The following ZBTB4 variants were observed in gnomAD, a reference collection of about 807,000 sequenced individuals.
The protein encoded by ZBTB4 is zinc finger and BTB domain containing 4, also known as zinc finger and BTB domain-containing protein 4.
ZBTB4 carries 14 observed loss-of-function variants against 59.8 expected under a neutral mutation model. The observed-to-expected ratio is 0.23, with a 90% CI of 0.15 to 0.37. The LOEUF is 0.37. Among genes scored for constraint, ZBTB4 ranks in the 10% least tolerant of loss-of-function variants. The pLI is 1.00. For missense variants in ZBTB4, 1,198 were observed against 1,380.8 expected (o/e 0.87, Z 2.10); for synonymous variants, 587 against 575.2 (o/e 1.02, Z -0.29).
intron 1 of ZBTB4, among the ~76,000 whole-genome samples, chr17:7,469,107 T>C (rs1336343829): frequency 6.6e-6 from 1 of 152,096 alleles, no homozygotes; most frequent in African/African-American, 2.4e-5. Flanking sequence ...TTTATTTGGA[T>C]TACCTCATTT....
rs751063653 is a variant in ZBTB4 at position 7,463,224 on chromosome 17, T to C, written c.1758A>G (p.Thr586=). Reference sequence around the variant, plus strand: ...GCTGAGAGGGGCCCCGGCCAGCCCCTGTGGGGGGACCCCCACCTCCACCAA... The same window carrying C: ...GCTGAGAGGGGCCCCGGCCAGCCCCCGTGGGGGGACCCCCACCTCCACCAA... ...GGIGGGGGPP[T]GAGRGPSQLQ... is the part of the protein sequence containing the mutation. The change falls in exon 4 of 4, where the codon ACA becomes ACG. Residue 586 remains threonine, a synonymous_variant. Transcript: ENST00000380599. 9.3e-6 allele frequency: 15 copies of C among 1,610,456 alleles called. No individual in the cohort carries two copies. The East Asian group carries it at 2.2e-4, about 24-fold the overall frequency.
chr17:7,481,970 C>T (rs1191503065), upstream of ZBTB4: 1 of 1,570,526 alleles, frequency 6.4e-7, no homozygotes, highest in Non-Finnish European at 8.6e-7. Flanking sequence ...CTACCCTGAG[C>T]TCCTTTCTCC....
At chr17:7,475,249 G>A (rs2070254128) in intron 1 of ZBTB4, among the ~76,000 whole-genome samples, 1 of 151,796 alleles carries the variant, frequency 6.6e-6, no homozygotes, top group Non-Finnish European at 1.5e-5. Context: ...GCTGAGGCAG[G>A]AGAATCACCT....
chr17:7,467,163 A>C (rs926082409), intron 2 of ZBTB4, 94 bp downstream of exon 2: 58 of 1,079,968 alleles, frequency 5.4e-5, no homozygotes, highest in Non-Finnish European at 6.4e-5. Context: ...GCCATTTCAC[A>C]GAACTCCCCA....
chr17:7,474,782 C>G (rs773312908), intron 1 of ZBTB4, among the ~76,000 whole-genome samples: 1 of 151,758 alleles, frequency 6.6e-6, no homozygotes, highest in African/African-American at 2.4e-5. Flanking sequence ...GAGGCTGAGG[C>G]GGGCAGATCA....
chr17:7,465,520 T>C (rs1255163384), intron 3 of ZBTB4, among the ~76,000 whole-genome samples, 191 bp downstream of exon 3: 1 of 151,640 alleles, frequency 6.6e-6, no homozygotes, highest in Non-Finnish European at 1.5e-5. Flanking sequence ...CTCTATGTTG[T>C]CCAGGCTCGT....
At chr17:7,482,286 G>A (rs751688186), upstream of ZBTB4, 37 of 1,614,012 alleles carry the variant, frequency 2.3e-5, no homozygotes, top group African/African-American at 3.7e-4. Flanking sequence ...CCTGACATCC[G>A]AGGCCGGGCC....
upstream of ZBTB4, among the ~76,000 whole-genome samples, chr17:7,481,678 G>A (rs189296593): frequency 1.5e-3 from 222 of 152,290 alleles, 1 homozygote; most frequent in Admixed American, 5.6e-3. Context: ...TCATACAGAT[G>A]CATAGCATCT....
rs1012424500 is a variant in ZBTB4, at chr17:7,463,974, T to C, written c.1092-84A>G. 3.9e-6 allele frequency: 6 copies of C among 1,519,868 alleles called. No homozygotes were observed. In the Admixed American group the frequency reaches 1.0e-4, roughly 27 times the overall value. 94.1% of individuals were successfully genotyped at this position (1,519,868 alleles called of 1,614,324 possible). Reference sequence around the variant, plus strand: ...AAGCCTCCCAGGTCCTCCTACACCCTGCACTCAAACCTGTGACTCCCGTAG... The same window carrying C: ...AAGCCTCCCAGGTCCTCCTACACCCCGCACTCAAACCTGTGACTCCCGTAG... On this transcript the variant is annotated intron_variant, in intron 3 of 3. Transcript: ENST00000380599.
intron 1 of ZBTB4, among the ~76,000 whole-genome samples, chr17:7,473,279 A>AT (rs1295007861): frequency 4.0e-5 from 6 of 150,306 alleles, no homozygotes; most frequent in East Asian, 3.9e-4. Flanking sequence ...CTCCCGGCTA[A>AT]TTTTTTTTTG....
At chr17:7,478,192 GC>G (rs1395672049) in intron 1 of ZBTB4, among the ~76,000 whole-genome samples, 3 of 152,020 alleles carry the variant, frequency 2.0e-5, no homozygotes, top group African/African-American at 7.2e-5. Flanking sequence ...GCCCAGACAG[GC>G]TCCTACAAAC....
At position 7,460,784 on chromosome 17, in the gene ZBTB4, G is replaced by GTA; in HGVS notation, c.*1155_*1156insTA. The GTA allele has an allele frequency of 6.5e-6, 1 of 152,764 alleles. No individual in the cohort carries two copies. The highest frequency in any genetic ancestry group is 1.9e-4 in the East Asian group (1 of 5,178). The allele number at this position is 152,764 out of a possible 1,614,324, so 9.5% of individuals were successfully genotyped here. A position where few individuals can be genotyped will look rare whatever the true frequency, so the allele number is the denominator to read the frequency against. ...TGTGGGGAACTGAGTCAAAGATGGG[G>GTA]TGTAAGGTGCTATTTTGAAGGGAAA... is the stretch of plus-strand genomic sequence containing the variant. On this transcript the variant is annotated 3_prime_UTR_variant, in exon 4 of 4. Coordinates refer to ENST00000380599, the MANE Select transcript of ZBTB4 (RefSeq NM_001128833.2).
In ZBTB4 at chr17:7,462,350, C is replaced by G; in HGVS notation, c.2632G>C (p.Ala878Pro). 6.2e-7 allele frequency: 1 copy of G among 1,613,920 alleles called. No homozygotes were observed. Residue 878 changes from alanine to proline, a missense_variant, in exon 4 of 4, where the codon GCC becomes CCC. Physicochemically the swap from Ala to Pro is conservative, Grantham distance 27 (BLOSUM62 -1). This residue lies in a region of ZBTB4 where 211 missense variants were observed against 236.1 expected (regional missense o/e 0.89). Transcript: ENST00000380599. This position sits in a 1 kb window ranked among gnomAD's most constrained non-coding sequence, Gnocchi z 7.5. ...GGTTCCCGGCCGCCCCCAATCAAGG[C>G]CAGTGGAAATTCCTGCACAGGTGGG... ...VYPPVQEFPL[A>P]LIGGGREPGG...
chr17:7,478,684 A>C (rs574112262), intron 1 of ZBTB4, among the ~76,000 whole-genome samples: 1 of 152,316 alleles, frequency 6.6e-6, no homozygotes, highest in African/African-American at 2.4e-5. Context: ...GAAAACATAC[A>C]GCCCCACATC....
chr17:7,465,354 G>A (rs1284510014), intron 3 of ZBTB4, among the ~76,000 whole-genome samples: 1 of 151,284 alleles, frequency 6.6e-6, no homozygotes, highest in Non-Finnish European at 1.5e-5. Context: ...CCAGCTATTC[G>A]GGAGGCTGAG....
chr17:7,479,001 C>G (rs938223491), intron 1 of ZBTB4, among the ~76,000 whole-genome samples: 1 of 152,204 alleles, frequency 6.6e-6, no homozygotes, highest in Non-Finnish European at 1.5e-5. Flanking sequence ...CCGCACACCC[C>G]AACTCTGGGG....
chr17:7,474,881 G>A (rs556171842), intron 1 of ZBTB4, among the ~76,000 whole-genome samples: 1 of 151,894 alleles, frequency 6.6e-6, no homozygotes, highest in African/African-American at 2.4e-5. Context: ...GTGTGGTGGT[G>A]CACGCTTGTA....
upstream of ZBTB4, chr17:7,481,409 G>A (rs1476773512): frequency 3.0e-6 from 4 of 1,350,162 alleles, no homozygotes. Context: ...CACCTCAGGA[G>A]AGTTCCAGGG....
rs763781129 is a variant in ZBTB4, at chr17:7,463,434, T to G, written c.1548A>C (p.Pro516=). 12 of 1,560,954 alleles carry G rather than the reference T, an allele frequency of 7.7e-6. No homozygotes were observed. The Admixed American group carries it at 1.3e-4, about 17-fold the overall frequency. ...GAGGTGGGTATTCTCGTTTCTTGGG[T>G]GGCCTCGGGGGAGCAGTGTAAGTGA... ...SVITYTAPPR[P]PKKREYPPPP... Residue 516 remains proline (P), a synonymous_variant, in exon 4 of 4, where the codon CCA becomes CCC. Coordinates refer to ENST00000380599, the MANE Select transcript of ZBTB4 (RefSeq NM_001128833.2).
Sources: gnomAD v4.1 joint callset for allele counts (sites outside exome capture counted in the v4.1 genomes callset) on GRCh38, gnomAD v4.1.1 for gene constraint, gnomAD v4.1.1 regional missense constraint, Gnocchi (gnomAD v3.1) non-coding constraint, MANE v1.5 for transcripts, NCBI Gene and HGNC (gene_info 2026-07-23, HGNC 2026-07-21) for gene names.